ARHGEF12: variants seen among roughly 807,000 people sequenced by gnomAD.
ARHGEF12 encodes the protein KMT2A/ARHGEF12 fusion protein.
Under a neutral mutation model 211.2 loss-of-function variants are expected in ARHGEF12, and 66 were observed. That is an observed-to-expected ratio of 0.31 (90% CI 0.26 to 0.38). The LOEUF (loss-of-function observed/expected upper bound fraction) is 0.38, where lower values mean the gene tolerates loss of function less well. Among genes scored for constraint, ARHGEF12 ranks in the 10% least tolerant of loss-of-function variants. The probability of loss-of-function intolerance (pLI) is 1.00; values close to 1 mark genes in which losing one functional copy is unlikely to be tolerated. For synonymous variants in ARHGEF12, 592 were observed against 638.4 expected, an observed-to-expected ratio of 0.93 and a Z score of 1.09; for missense variants, 1,429 against 1,869.5, an observed-to-expected ratio of 0.76 and a Z score of 4.34.
chr11:120,461,165 T>C lies in ARHGEF12; in HGVS notation c.2613+408T>C, dbSNP rs555298031. The stretch of plus-strand genomic sequence containing the variant: ...ATGTTCTTAATGGCATCTAGAATAA[T>C]GAATCCTTTTCAGAAGGTATTCAGT... On this transcript the variant is annotated intron_variant, in intron 27 of 40. Coordinates refer to ENST00000397843, the MANE Select transcript of ARHGEF12 (RefSeq NM_015313.3). Among the ~76,000 whole-genome samples, 6 of 152,362 alleles carry C rather than the reference T, an allele frequency of 3.9e-5. No individual in the cohort carries two copies. The South Asian group carries it at 1.2e-3, about 32-fold the overall frequency.
intron 17 of ARHGEF12, 115 bp downstream of exon 17, chr11:120,446,623 T>C (rs188010445): frequency 3.2e-5 from 25 of 792,482 alleles, no homozygotes; most frequent in African/African-American, 7.0e-5. Context: ...TATGGTCTTA[T>C]TGTTATTAAA....
At chr11:120,474,715 G>T in intron 32 of ARHGEF12, 80 bp downstream of exon 32, 1 of 1,115,558 alleles carries the variant, frequency 9.0e-7, no homozygotes. Context: ...ACAAAGGGAA[G>T]AGGAGAGAAC....
intron 1 of ARHGEF12, among the ~76,000 whole-genome samples, chr11:120,368,318 C>T (rs1040360434): frequency 3.4e-4 from 52 of 152,100 alleles, no homozygotes; most frequent in African/African-American, 9.9e-4. Context: ...TTTTTTAATT[C>T]GTTTATAGAG....
At chr11:120,357,105 A>G (rs1943152092) in intron 1 of ARHGEF12, among the ~76,000 whole-genome samples, 1 of 151,882 alleles carries the variant, frequency 6.6e-6, no homozygotes, top group East Asian at 1.9e-4. Flanking sequence ...GCTCACTGCA[A>G]CCTCAGCCTC....
chr11:120,475,416 T>A lies in ARHGEF12; in HGVS notation c.3186T>A (p.His1062Gln). 6.2e-7 allele frequency: 1 copy of A among 1,614,116 alleles called. No individual in the cohort carries two copies. The highest frequency in any genetic ancestry group is 8.5e-7 in the Non-Finnish European group (1 of 1,179,960). ...ATGATAGACTGGTTTTAAGGTGTCA[T>A]AGTAAGATTCTGGCATCTACAGCTG... ...KQDDRLVLRC[H>Q]SKILASTADS... is the part of the protein sequence containing the mutation. The change falls in exon 33 of 41, where the codon CAT becomes CAA. Residue 1062 changes from histidine to glutamine, a missense_variant. This residue lies in a region of ARHGEF12 where 223 missense variants were observed against 444.6 expected (regional missense o/e 0.50). Transcript: ENST00000397843.
intron 1 of ARHGEF12, among the ~76,000 whole-genome samples, chr11:120,371,887 A>G (rs537117162): frequency 6.6e-6 from 1 of 152,364 alleles, no homozygotes; most frequent in African/African-American, 2.4e-5. Flanking sequence ...TATCTGCTAC[A>G]ACAGTTTCAT....
chr11:120,428,019 G>C (rs769263208), intron 7 of ARHGEF12, 50 bp from the exon 8 acceptor site: 1 of 1,455,764 alleles, frequency 6.9e-7, no homozygotes, highest in Admixed American at 2.3e-5. Context: ...AAAGTTTCTT[G>C]ACAATGTTAT....
At chr11:120,432,783 G>A (rs866331699) in intron 11 of ARHGEF12, among the ~76,000 whole-genome samples, 1 of 152,192 alleles carries the variant, frequency 6.6e-6, no homozygotes, top group Middle Eastern at 3.4e-3. Context: ...TGTTGTTGGG[G>A]GATTGTTTTG....
At chr11:120,396,558 T>A (rs907360116) in intron 1 of ARHGEF12, among the ~76,000 whole-genome samples, 1 of 152,224 alleles carries the variant, frequency 6.6e-6, no homozygotes, top group Admixed American at 6.5e-5. Context: ...TAGACCCACG[T>A]ATATATGGAA....
At chr11:120,376,305 G>T (rs1943721528) in intron 1 of ARHGEF12, among the ~76,000 whole-genome samples, 1 of 151,688 alleles carries the variant, frequency 6.6e-6, no homozygotes, top group African/African-American at 2.4e-5. Flanking sequence ...TTGTATTTTT[G>T]AAATAAAGCT....
chr11:120,368,379 G>A (rs7101415), intron 1 of ARHGEF12, among the ~76,000 whole-genome samples: 60,056 of 152,048 alleles, frequency 0.39, 12,095 homozygotes, highest in African/African-American at 0.43. Flanking sequence ...CAGGCCTCAA[G>A]AGATCCTCCC....
intron 1 of ARHGEF12, among the ~76,000 whole-genome samples, chr11:120,402,233 TCCCATC>T (rs1944565098): frequency 6.6e-6 from 1 of 152,178 alleles, no homozygotes; most frequent in Non-Finnish European, 1.5e-5. Context: ...ATAATACTAT[TCCCATC>T]CCACCCTGTC....
chr11:120,370,051 A>G (rs1335403582), intron 1 of ARHGEF12, among the ~76,000 whole-genome samples: 1 of 152,208 alleles, frequency 6.6e-6, no homozygotes, highest in East Asian at 1.9e-4. Flanking sequence ...AGATTTTTAA[A>G]CTTCCTAACA....
At chr11:120,408,809 T>A (rs545766443) in intron 3 of ARHGEF12, 4 of 152,180 alleles carry the variant, frequency 2.6e-5, no homozygotes, top group South Asian at 2.1e-4. Context: ...GAAATTCCAA[T>A]CATCAATTTA....
chr11:120,391,884 A>C (rs573381275), intron 1 of ARHGEF12, among the ~76,000 whole-genome samples: 3 of 152,196 alleles, frequency 2.0e-5, no homozygotes, highest in Non-Finnish European at 4.4e-5. Flanking sequence ...TATAAACTTT[A>C]TGCAGTGTTT....
chr11:120,363,161 A>G (rs1048666541), intron 1 of ARHGEF12, among the ~76,000 whole-genome samples: 3 of 152,218 alleles, frequency 2.0e-5, no homozygotes, highest in South Asian at 2.1e-4. Flanking sequence ...TGGCAAATGA[A>G]TGTACATTTA....
Position 120,478,300 on chromosome 11 carries a change from A to T in ARHGEF12, c.3677A>T (p.Lys1226Met), listed in dbSNP as rs755522930. The change falls in exon 37 of 41, where the codon AAG (lysine) becomes ATG (methionine). Residue 1226 changes from lysine (K) to methionine (M), a missense_variant. Around this residue, in one of 7 missense-constraint regions of ARHGEF12, gnomAD observed 467 missense variants for 468.4 expected, o/e 1.00. Transcript: ENST00000397843. ...GAACAACATACAGATGGGACACTAA[A>T]GGAAGTTGGAGAAGATTATCAAATC... is the stretch of plus-strand genomic sequence containing the variant. ...AKEQHTDGTL[K>M]EVGEDYQIAI... 9.3e-6 allele frequency: 15 copies of T among 1,614,066 alleles called. No individual in the cohort carries two copies. The African/African-American group carries it at 2.0e-4, about 22-fold the overall frequency.
At chr11:120,374,562 C>T (rs1943673229) in intron 1 of ARHGEF12, among the ~76,000 whole-genome samples, 1 of 152,096 alleles carries the variant, frequency 6.6e-6, no homozygotes, top group Non-Finnish European at 1.5e-5. Context: ...AATCAATCTC[C>T]TCTGGGGTAG....
intron 1 of ARHGEF12, among the ~76,000 whole-genome samples, chr11:120,368,655 C>T (rs1385865804): frequency 6.6e-6 from 1 of 152,182 alleles, no homozygotes; most frequent in Non-Finnish European, 1.5e-5. Flanking sequence ...AGGTTTTAAT[C>T]TCAGTCTGAC....
Sources: gnomAD v4.1 joint callset for allele counts (sites outside exome capture counted in the v4.1 genomes callset) on GRCh38, gnomAD v4.1.1 for gene constraint, gnomAD v4.1.1 regional missense constraint, MANE v1.5 for transcripts, NCBI Gene and HGNC (gene_info 2026-07-23, HGNC 2026-07-21) for gene names.